Variants in MGAT4C observed in about 807,000 individuals in gnomAD.
MGAT4C encodes MGAT4 family member C.
Under a neutral mutation model 40.1 loss-of-function variants are expected in MGAT4C, and 19 were observed. The observed-to-expected ratio is 0.47, with a 90% CI of 0.33 to 0.70. The LOEUF (loss-of-function observed/expected upper bound fraction) is 0.70. MGAT4C is among the 30% of genes least tolerant of loss of function. MGAT4C has a pLI of 0.02. For missense variants in MGAT4C, 491 were observed against 563.2 expected (o/e 0.87, Z 1.30); for synonymous variants, 181 against 187.1 (o/e 0.97, Z 0.27).
In MGAT4C at chr12:86,151,793, C is replaced by T. The variant is rs182210393; in HGVS notation, c.-56-102070G>A. 3.3e-5 allele frequency among the ~76,000 whole-genome samples: 5 copies of T among 152,352 alleles called. No individual in the cohort carries two copies. The East Asian group carries it at 7.7e-4, about 23-fold the overall frequency. On this transcript the variant is annotated intron_variant, in intron 1 of 4. Transcript: ENST00000611864. ...TTCAAAATTGAGCATGGCTCATAGT[C>T]ATGGCTTATGCCCTGGTTTATGCTT...
At position 85,973,295 on chromosome 12, in the gene MGAT4C, T is replaced by G. The variant is rs947583055; in HGVS notation, c.*5994A>C. The G allele has an allele frequency of 8.6e-5, 13 of 151,044 alleles. No individual in the cohort carries two copies. The highest frequency in any genetic ancestry group is 2.9e-4 in the African/African-American group (12 of 41,462). 9.4% of individuals were successfully genotyped at this position (151,044 alleles called of 1,614,324 possible). On this transcript the variant is annotated 3_prime_UTR_variant, in exon 5 of 5. Transcript: ENST00000611864. The stretch of plus-strand genomic sequence containing the variant: ...AATTATGAACACTCTCAGCCTCTAT[T>G]GCTTTATATATGCATTTATTTTGGT...
intron 1 of MGAT4C, among the ~76,000 whole-genome samples, chr12:86,790,015 G>C (rs1593209253): frequency 6.6e-6 from 1 of 152,194 alleles, no homozygotes; most frequent in East Asian, 1.9e-4. Flanking sequence ...TTCATTCTTT[G>C]AGCTGTTAGT....
At chr12:86,063,645 T>A (rs1894217698) in intron 1 of MGAT4C, among the ~76,000 whole-genome samples, 1 of 152,094 alleles carries the variant, frequency 6.6e-6, no homozygotes, top group African/African-American at 2.4e-5. Flanking sequence ...TGTGCTGTAT[T>A]CAGGAGACCC....
intron 2 of MGAT4C, among the ~76,000 whole-genome samples, chr12:86,446,658 C>CATGTATAT (rs1957340723): frequency 2.8e-5 from 1 of 35,320 alleles, no homozygotes; most frequent in Non-Finnish European, 5.6e-5. Context: ...TCATGTAACT[C>CATGTATAT]ATATATATAT....
chr12:86,434,723 G>A (rs1957106840), intron 3 of MGAT4C, among the ~76,000 whole-genome samples: 1 of 151,922 alleles, frequency 6.6e-6, no homozygotes, highest in African/African-American at 2.4e-5. Context: ...AAAAATATCT[G>A]CAAGTGAATC....
At chr12:86,331,771 G>A (rs149619014) in intron 4 of MGAT4C, among the ~76,000 whole-genome samples, 2 of 152,220 alleles carry the variant, frequency 1.3e-5, no homozygotes, top group African/African-American at 2.4e-5. Flanking sequence ...GAAAATTTAC[G>A]AAAGATAGAA....
Position 86,613,477 on chromosome 12 carries a change from A to C in MGAT4C, c.-229+113732T>G, listed in dbSNP as rs533566840. ...GGGATGCCCTGAGGCTGTTGTATACATGTCAGAATTGGCAAAATATCCACT... is the reference window on the plus strand; with the variant it reads ...GGGATGCCCTGAGGCTGTTGTATACCTGTCAGAATTGGCAAAATATCCACT... On this transcript the variant is annotated intron_variant, in intron 2 of 7. Transcript: ENST00000548651. Among the ~76,000 whole-genome samples the C allele has an allele frequency of 2.0e-5, 3 of 152,296 alleles. No homozygotes were observed. In the South Asian group the frequency reaches 6.2e-4, roughly 32 times the overall value.
At chr12:86,811,432 T>C (rs916009467) in intron 1 of MGAT4C, among the ~76,000 whole-genome samples, 2 of 143,300 alleles carry the variant, frequency 1.4e-5, no homozygotes, top group Non-Finnish European at 3.0e-5. Flanking sequence ...AATCTCCACC[T>C]CCTACGTTAG....
intron 3 of MGAT4C, among the ~76,000 whole-genome samples, chr12:86,355,396 C>A (rs74398794): frequency 0.091 from 13,899 of 152,176 alleles, 789 homozygotes; most frequent in Middle Eastern, 0.22. Context: ...TATTTGAAGA[C>A]AGAATGGCTA....
chr12:86,016,776 G>C (rs896302455), intron 2 of MGAT4C, among the ~76,000 whole-genome samples: 1 of 151,984 alleles, frequency 6.6e-6, no homozygotes, highest in African/African-American at 2.4e-5. Context: ...TTGGTATGCA[G>C]ACAGGTTTTT....
chr12:86,423,713 A>G (rs1956875005), intron 3 of MGAT4C, among the ~76,000 whole-genome samples: 1 of 152,208 alleles, frequency 6.6e-6, no homozygotes, highest in African/African-American at 2.4e-5. Flanking sequence ...TAAAATATCC[A>G]TTCATAATGT....
In MGAT4C at chr12:86,203,975, AAT is replaced by A. The variant is rs56952745; in HGVS notation, c.-57+52262_-57+52263del. 4.1e-3 allele frequency among the ~76,000 whole-genome samples: 556 copies of A among 136,952 alleles called. 7 individuals are homozygous for A. The highest frequency in any genetic ancestry group is 0.012 in the African/African-American group (456 of 39,102). 89.8% of individuals were successfully genotyped at this position (136,952 alleles called of 152,430 possible). A position where few individuals can be genotyped will look rare whatever the true frequency, so the allele number is the denominator to read the frequency against. On this transcript the variant is annotated intron_variant, in intron 1 of 4. Transcript: ENST00000611864. ...TTCGTCTCAAAAAAAAAAAAAAAGA[AAT>A]ATATATATATATATATGCCTTATAG...
At chr12:86,800,267 C>T (rs1952201458) in intron 1 of MGAT4C, among the ~76,000 whole-genome samples, 1 of 151,984 alleles carries the variant, frequency 6.6e-6, no homozygotes, top group South Asian at 2.1e-4. Flanking sequence ...GAAACTCCCT[C>T]ATGAAACCAG....
At chr12:86,354,763 T>C (rs969486683) in intron 3 of MGAT4C, among the ~76,000 whole-genome samples, 2 of 152,156 alleles carry the variant, frequency 1.3e-5, no homozygotes, top group Admixed American at 6.6e-5. Flanking sequence ...CAAGGTATCA[T>C]TATGTGTCCG....
chr12:86,251,523 T>C (rs1952279683), intron 1 of MGAT4C, among the ~76,000 whole-genome samples: 1 of 152,048 alleles, frequency 6.6e-6, no homozygotes, highest in Non-Finnish European at 1.5e-5. Context: ...TGAGAAAAAG[T>C]GTTTTCTAGC....
chr12:85,967,672 T>C lies in MGAT4C; in HGVS notation c.*11617A>G, dbSNP rs899708839. 3 of 152,216 alleles carry C rather than the reference T, an allele frequency of 2.0e-5. No individual in the cohort carries two copies. The highest frequency in any genetic ancestry group is 4.8e-5 in the African/African-American group (2 of 41,572). The allele number at this position is 152,216 out of a possible 1,614,324, so 9.4% of individuals were successfully genotyped here. A position where few individuals can be genotyped will look rare whatever the true frequency, so the allele number is the denominator to read the frequency against. Reference sequence around the variant, plus strand: ...ACAGAGCATTAAAATAATGTATTCATTGATCTCATAAAGAATAGATGATCA... The same window carrying C: ...ACAGAGCATTAAAATAATGTATTCACTGATCTCATAAAGAATAGATGATCA... On this transcript the variant is annotated 3_prime_UTR_variant, in exon 5 of 5. Transcript: ENST00000611864.
chr12:86,601,031 G>A (rs1961752132), intron 2 of MGAT4C, among the ~76,000 whole-genome samples: 1 of 152,206 alleles, frequency 6.6e-6, no homozygotes, highest in South Asian at 2.1e-4. Flanking sequence ...CCAGCTCCCC[G>A]CTGTCTCGGC....
At chr12:86,820,205 A>G (rs1052389978) in intron 1 of MGAT4C, among the ~76,000 whole-genome samples, 2 of 150,782 alleles carry the variant, frequency 1.3e-5, no homozygotes, top group African/African-American at 4.8e-5. Context: ...CTTTATTATA[A>G]TGGGCAATTT....
At chr12:86,437,848 G>T (rs1054183225) in intron 2 of MGAT4C, among the ~76,000 whole-genome samples, 1 of 151,844 alleles carries the variant, frequency 6.6e-6, no homozygotes, top group African/African-American at 2.4e-5. Flanking sequence ...ACAGTGAAAT[G>T]TTGTGCATGT....
Sources: gnomAD v4.1 joint callset for allele counts (sites outside exome capture counted in the v4.1 genomes callset) on GRCh38, gnomAD v4.1.1 for gene constraint, MANE v1.5 for transcripts, NCBI Gene and HGNC (gene_info 2026-07-23, HGNC 2026-07-21) for gene names.